KRT20: variants seen among roughly 807,000 people sequenced by gnomAD.
KRT20 encodes keratin 20, also known as keratin, type I cytoskeletal 20.
KRT20 carries 41 observed loss-of-function variants against 43.0 expected under a neutral mutation model. The ratio of observed to expected loss-of-function variants is 0.95; its 90% CI spans 0.74 to 1.24. KRT20 has a LOEUF of 1.24. Ranked by LOEUF, KRT20 falls within the 50% of genes most tolerant of loss-of-function variation. KRT20 has a pLI of 0.00. For synonymous variants in KRT20, 207 were observed against 200.6 expected (o/e 1.03, Z -0.27); for missense variants, 533 against 521.2 (o/e 1.02, Z -0.22).
chr17:40,882,670 G>A lies in KRT20; in HGVS notation c.391-16C>T. ...CATCCTTAATCTGGAAAATACATGAGAAAGAATGACATTTTCTTTTTTATT... is the reference window on the plus strand; with the variant it reads ...CATCCTTAATCTGGAAAATACATGAAAAAGAATGACATTTTCTTTTTTATT... On this transcript the variant is annotated splice_polypyrimidine_tract_variant and intron_variant, in intron 1 of 7. Coordinates refer to ENST00000167588, the MANE Select transcript of KRT20 (RefSeq NM_019010.3). The A allele has an allele frequency of 8.1e-7, 1 of 1,237,250 alleles. No homozygotes were observed. The highest frequency in any genetic ancestry group is 1.1e-6 in the Non-Finnish European group (1 of 921,858). 76.6% of individuals were successfully genotyped at this position (1,237,250 alleles called of 1,614,324 possible).
At position 40,880,235 on chromosome 17, in the gene KRT20, C is replaced by T. The variant is rs777231241; in HGVS notation, c.657G>A (p.Leu219=). 4.3e-6 allele frequency: 7 copies of T among 1,609,526 alleles called. No individual in the cohort carries two copies. The highest frequency in any genetic ancestry group is 5.9e-6 in the Non-Finnish European group (7 of 1,178,056). Residue 219 remains leucine, a synonymous_variant, in exon 4 of 8, where the codon CTG becomes CTA. Coordinates refer to ENST00000167588, the MANE Select transcript of KRT20 (RefSeq NM_019010.3). ...QEEVDGLHKH[L]GNTVNVEVDA... is the part of the protein sequence containing the mutation. ...CAACCTCCACATTGACAGTGTTGCC[C>T]AGATGCTTGTGTAGGCCATCGACTT...
At position 40,883,228 on chromosome 17, in the gene KRT20, T is replaced by G. The variant is rs1490729445; in HGVS notation, c.391-574A>C. 2.6e-5 allele frequency among the ~76,000 whole-genome samples: 4 copies of G among 152,224 alleles called. No homozygotes were observed. The South Asian group carries it at 8.3e-4, about 31-fold the overall frequency. ...TTCTTGTGATTTTACAGAAGGATAA[T>G]TTAACTCAACTTGAGTCATCACACC... On this transcript the variant is annotated intron_variant, in intron 1 of 7. Transcript: ENST00000167588.
intron 5 of KRT20, 34 bp from the exon 6 acceptor site, chr17:40,878,399 G>C (rs2143298394): frequency 6.7e-7 from 1 of 1,482,788 alleles, no homozygotes; most frequent in Non-Finnish European, 9.4e-7. Flanking sequence ...CACTTCTTAT[G>C]TGAGGACTTG....
intron 1 of KRT20, among the ~76,000 whole-genome samples, chr17:40,883,688 GA>G (rs1294783797): frequency 1.3e-5 from 2 of 152,236 alleles, no homozygotes; most frequent in African/African-American, 2.4e-5. Flanking sequence ...CTATGGTTGG[GA>G]CTGTCCAGCT....
intron 2 of KRT20, 34 bp from the exon 3 acceptor site, chr17:40,880,804 C>T (rs1235308007): frequency 2.1e-6 from 3 of 1,433,158 alleles, no homozygotes; most frequent in East Asian, 2.5e-5. Context: ...GATAACTGGT[C>T]CTTCTGAAGC....
rs140987399 is a variant in KRT20, at chr17:40,879,842, C to T, written c.889G>A (p.Glu297Lys). The T allele has an allele frequency of 1.2e-5, 19 of 1,613,090 alleles. 1 individual carries two copies. In the East Asian group the frequency reaches 4.2e-4, roughly 36 times the overall value. ...TELRRTSQSL[E>K]IELQSHLSMK... ...CTGAGATGGGACTGGAGTTCTATCT[C>T]AAGGCTCTGGGAGGTGCGTCTCAGC... The change falls in exon 5 of 8, where the codon GAG becomes AAG. Residue 297 changes from glutamate (E) to lysine (K), a missense_variant. Physicochemically the swap from Glu to Lys is moderately conservative, Grantham distance 56. Transcript: ENST00000167588.
chr17:40,879,957 A>G lies in KRT20; in HGVS notation c.793-19T>C, dbSNP rs1417434642. ...CTGCAGTCTACAGTGCCAAGAGTGA[A>G]AAAAAAATAGTTGAGGGGTGGAAAT... On this transcript the variant is annotated intron_variant, in intron 4 of 7. Coordinates refer to ENST00000167588, the MANE Select transcript of KRT20 (RefSeq NM_019010.3). 1 of 1,606,648 alleles carries G rather than the reference A, an allele frequency of 6.2e-7. No homozygotes were observed. The highest frequency in any genetic ancestry group is 8.5e-7 in the Non-Finnish European group (1 of 1,175,936).
At chr17:40,881,975 C>T (rs1022297915) in intron 2 of KRT20, among the ~76,000 whole-genome samples, 4 of 150,984 alleles carry the variant, frequency 2.6e-5, no homozygotes, top group Non-Finnish European at 5.9e-5. Flanking sequence ...CAGGTTCAAG[C>T]GATTCTCCTG....
chr17:40,879,747 A>G (rs1441563885), intron 5 of KRT20, 66 bp downstream of exon 5: 2 of 1,569,108 alleles, frequency 1.3e-6, no homozygotes, highest in African/African-American at 1.4e-5. Flanking sequence ...GCATTTCTAT[A>G]GTTCCTAACA....
In KRT20 at chr17:40,876,357, C is replaced by A. The variant is rs374991185; in HGVS notation, c.*4G>T. Reference sequence around the variant, plus strand: ...CCTCAGCAGCATCTCCTTCTGGTAGCTATTTAGATATTTTCTTCCACCTCT... The same window carrying A: ...CCTCAGCAGCATCTCCTTCTGGTAGATATTTAGATATTTTCTTCCACCTCT... On this transcript the variant is annotated 3_prime_UTR_variant, in exon 8 of 8. Transcript: ENST00000167588. 193 of 1,585,292 alleles carry A rather than the reference C, an allele frequency of 1.2e-4. 1 individual carries two copies. In the South Asian group the frequency reaches 2.0e-3, roughly 16 times the overall value.
intron 7 of KRT20, among the ~76,000 whole-genome samples, chr17:40,877,169 C>A (rs1285212665): frequency 6.6e-6 from 1 of 152,202 alleles, no homozygotes; most frequent in African/African-American, 2.4e-5. Flanking sequence ...AAGGCCCTTA[C>A]AAGATGCCGG....
At position 40,878,212 on chromosome 17, in the gene KRT20, C is replaced by A. The variant is rs1483654055; in HGVS notation, c.1072G>T (p.Asp358Tyr). 1 of 1,613,912 alleles carries A rather than the reference C, an allele frequency of 6.2e-7. No individual in the cohort carries two copies. Among genetic ancestry groups the A allele is most frequent in the East Asian group, 2.2e-5 (1 of 44,878 alleles). Reference protein sequence around the residue: ...RQNNEYHILLDIKTRLEQEIA... With the variant: ...RQNNEYHILLYIKTRLEQEIA... ...TCCTGTTCAAGTCGAGTCTTTATGT[C>A]AAGAAGGATATGGTATTCGTTGTTC... The change falls in exon 6 of 8, where the codon GAC (aspartate) becomes TAC (tyrosine). Residue 358 changes from aspartate (D) to tyrosine (Y), a missense_variant. Physicochemically the swap from Asp to Tyr is radical, Grantham distance 160. Coordinates refer to ENST00000167588, the MANE Select transcript of KRT20 (RefSeq NM_019010.3).
Position 40,880,683 on chromosome 17 carries a change from T to C in KRT20, c.561A>G (p.Lys187=). 1 of 1,612,564 alleles carries C rather than the reference T, an allele frequency of 6.2e-7. No homozygotes were observed. Among genetic ancestry groups the C allele is most frequent in the Non-Finnish European group, 8.5e-7 (1 of 1,179,408 alleles). Residue 187 remains lysine (K), a synonymous_variant, in exon 3 of 8, where the codon AAA becomes AAG. Transcript: ENST00000167588. ...CTTCAATTTGAATCTCCAAATCTGTTTTATGTAGGGTTAGGTCATCAAAGA... is the reference window on the plus strand; with the variant it reads ...CTTCAATTTGAATCTCCAAATCTGTCTTATGTAGGGTTAGGTCATCAAAGA... ...NKVFDDLTLH[K]TDLEIQIEEL... is the part of the protein sequence containing the mutation.
intron 2 of KRT20, among the ~76,000 whole-genome samples, chr17:40,881,470 C>T (rs1183251970): frequency 1.3e-5 from 2 of 152,154 alleles, no homozygotes; most frequent in Non-Finnish European, 2.9e-5. Context: ...CCAAGCTGTT[C>T]TCAAACTCCA....
At chr17:40,879,651 T>G (rs1907499565) in intron 5 of KRT20, among the ~76,000 whole-genome samples, 162 bp downstream of exon 5, 3 of 152,012 alleles carry the variant, frequency 2.0e-5, no homozygotes, top group Non-Finnish European at 4.4e-5. Flanking sequence ...TTCCTCGATT[T>G]CTCTCTGTCC....
rs755827352 is a variant in KRT20 at position 40,880,059 on chromosome 17, G to A, written c.792+41C>T. 28 of 1,593,914 alleles carry A rather than the reference G, an allele frequency of 1.8e-5. No individual in the cohort carries two copies. In the Admixed American group the frequency reaches 2.4e-4, roughly 14 times the overall value. The stretch of plus-strand genomic sequence containing the variant: ...ATGAGTTATCTGTTTCTGGAGGAAA[G>A]CATCTACACGTTTGCTCACCCTTTA... On this transcript the variant is annotated intron_variant, in intron 4 of 7. Coordinates refer to ENST00000167588, the MANE Select transcript of KRT20 (RefSeq NM_019010.3).
At chr17:40,882,720 T>C in intron 1 of KRT20, 66 bp from the exon 2 acceptor site, 1 of 642,062 alleles carries the variant, frequency 1.6e-6, no homozygotes, top group South Asian at 4.4e-5. Flanking sequence ...TTTATTTATT[T>C]ATTTATTGAG....
rs1907509239 is a variant in KRT20, at chr17:40,879,807, C to T, written c.918+6G>A. ...GATTGAGAAAGAGAAGTTAGATATG[C>T]TTTACCATGCTGAGATGGGACTGGA... On this transcript the variant is annotated splice_donor_region_variant and intron_variant, in intron 5 of 7. Transcript: ENST00000167588. 1.2e-6 allele frequency: 2 copies of T among 1,612,596 alleles called. No individual in the cohort carries two copies. The highest frequency in any genetic ancestry group is 1.3e-5 in the African/African-American group (1 of 74,428).
chr17:40,885,014 C>G lies in KRT20; in HGVS notation c.172G>C (p.Asp58His), dbSNP rs1907746803. ...NSRHTVNYGS[D>H]LTGGGDLFVG... ...AACAGGTCCCCGCCGCCTGTGAGAT[C>G]GCTCCCATAGTTCACCGTGTGTCTG... is the stretch of plus-strand genomic sequence containing the variant. Residue 58 changes from aspartate (D) to histidine (H), a missense_variant, in exon 1 of 8, where the codon GAT (aspartate) becomes CAT (histidine). By Grantham distance (81) the Asp-to-His change is moderately conservative. Transcript: ENST00000167588. 1.2e-6 allele frequency: 2 copies of G among 1,614,180 alleles called. No homozygotes were observed. The highest frequency in any genetic ancestry group is 1.7e-6 in the Non-Finnish European group (2 of 1,180,034).
Sources: gnomAD v4.1 joint callset for allele counts (sites outside exome capture counted in the v4.1 genomes callset) on GRCh38, gnomAD v4.1.1 for gene constraint, MANE v1.5 for transcripts, NCBI Gene and HGNC (gene_info 2026-07-23, HGNC 2026-07-21) for gene names.